SGCZ: variants seen among roughly 807,000 people sequenced by gnomAD.
SGCZ encodes sarcoglycan zeta.
Under a neutral mutation model 41.3 loss-of-function variants are expected in SGCZ, and 40 were observed. The observed-to-expected ratio is 0.97, with a 90% CI of 0.75 to 1.26. The LOEUF is 1.26. Among genes scored for constraint, SGCZ ranks in the 50% most tolerant of loss-of-function variants. SGCZ has a pLI of 0.00. For missense variants in SGCZ, 552 were observed against 369.8 expected, an observed-to-expected ratio of 1.49 and a Z score of -4.04; for synonymous variants, 206 against 137.5, an observed-to-expected ratio of 1.50 and a Z score of -3.49.
At chr8:15,100,347 T>A (rs961659996) in intron 1 of SGCZ, among the ~76,000 whole-genome samples, 1 of 152,134 alleles carries the variant, frequency 6.6e-6, no homozygotes, top group African/African-American at 2.4e-5. Context: ...ATAACACTAT[T>A]TATATTATTA....
chr8:15,030,548 G>A (rs1016145811), intron 1 of SGCZ, among the ~76,000 whole-genome samples: 1 of 152,108 alleles, frequency 6.6e-6, no homozygotes, highest in Admixed American at 6.6e-5. Flanking sequence ...ACCATGAGAA[G>A]AGCTGTAAAT....
intron 2 of SGCZ, among the ~76,000 whole-genome samples, chr8:14,460,760 T>C (rs538056614): frequency 1.3e-5 from 2 of 152,200 alleles, no homozygotes; most frequent in South Asian, 2.1e-4. Flanking sequence ...GCAAGATGCC[T>C]AACTTTAGAG....
intron 1 of SGCZ, among the ~76,000 whole-genome samples, chr8:15,001,155 G>C (rs1290590515): frequency 6.6e-6 from 1 of 152,192 alleles, no homozygotes; most frequent in Non-Finnish European, 1.5e-5. Flanking sequence ...TGTTCTCTGA[G>C]TATCAGGATG....
At chr8:15,016,011 T>C (rs1030340994) in intron 1 of SGCZ, among the ~76,000 whole-genome samples, 1 of 152,176 alleles carries the variant, frequency 6.6e-6, no homozygotes, top group African/African-American at 2.4e-5. Context: ...GCTAGAAGTT[T>C]ACATTCATTT....
At chr8:15,005,342 T>G (rs2410227) in intron 1 of SGCZ, among the ~76,000 whole-genome samples, 71,116 of 145,672 alleles carry the variant, frequency 0.49, 18,104 homozygotes, top group South Asian at 0.55. Flanking sequence ...TTTTTTTTTT[T>G]TTTTTTGACA....
intron 3 of SGCZ, among the ~76,000 whole-genome samples, chr8:14,303,700 T>A (rs1801263948): frequency 6.6e-6 from 1 of 152,062 alleles, no homozygotes. Flanking sequence ...ATTAGCCAAT[T>A]TCTAAATAGC....
At position 14,090,418 on chromosome 8, in the gene SGCZ, C is replaced by T; in HGVS notation, c.*25G>A. On this transcript the variant is annotated 3_prime_UTR_variant, in exon 8 of 8. Coordinates refer to ENST00000382080, the MANE Select transcript of SGCZ (RefSeq NM_139167.4). ...AGACGGACAGGAACAAAAGGCTATT[C>T]TGGTGTGAGGAGAAATCAGTCACTT... The T allele has an allele frequency of 6.2e-7, 1 of 1,603,802 alleles. No homozygotes were observed. Among genetic ancestry groups the T allele is most frequent in the Non-Finnish European group, 8.5e-7 (1 of 1,174,682 alleles).
intron 2 of SGCZ, among the ~76,000 whole-genome samples, chr8:14,387,063 T>C (rs193211099): frequency 1.2e-4 from 18 of 152,278 alleles, no homozygotes; most frequent in African/African-American, 4.1e-4. Context: ...AACACATTTA[T>C]GTTTGTTTGC....
intron 2 of SGCZ, among the ~76,000 whole-genome samples, chr8:14,548,883 C>G (rs191780750): frequency 6.6e-6 from 1 of 152,022 alleles, no homozygotes; most frequent in Admixed American, 6.6e-5. Flanking sequence ...AGGTATTTGG[C>G]GGGAATTATG....
chr8:14,919,211 G>A (rs1799521457), intron 1 of SGCZ, among the ~76,000 whole-genome samples: 1 of 152,150 alleles, frequency 6.6e-6, no homozygotes, highest in African/African-American at 2.4e-5. Flanking sequence ...GGCCGAGGCA[G>A]GTGGATTGCC....
At chr8:14,555,009 A>G (rs1489871707) in intron 1 of SGCZ, 83 bp from the exon 2 acceptor site, 2 of 1,272,698 alleles carry the variant, frequency 1.6e-6, no homozygotes, top group East Asian at 4.7e-5. Flanking sequence ...TTTTTGAAAC[A>G]AAAGAACAAT....
chr8:15,000,993 T>A (rs1244054939), intron 1 of SGCZ, among the ~76,000 whole-genome samples: 1 of 152,090 alleles, frequency 6.6e-6, no homozygotes, highest in Non-Finnish European at 1.5e-5. Flanking sequence ...ACTTCACCAG[T>A]ATCAAAGGTG....
At chr8:14,736,797 G>A (rs2130260673) in intron 1 of SGCZ, among the ~76,000 whole-genome samples, 1 of 152,162 alleles carries the variant, frequency 6.6e-6, no homozygotes, top group South Asian at 2.1e-4. Context: ...CATTGCAAAT[G>A]CTATTAATTA....
intron 1 of SGCZ, among the ~76,000 whole-genome samples, chr8:14,734,563 G>C (rs1798970927): frequency 6.6e-6 from 1 of 152,148 alleles, no homozygotes; most frequent in Non-Finnish European, 1.5e-5. Context: ...TTTTTAAAAT[G>C]CTTCACGTAT....
chr8:14,171,804 T>C (rs1341284082), intron 4 of SGCZ, among the ~76,000 whole-genome samples: 1 of 152,104 alleles, frequency 6.6e-6, no homozygotes, highest in Non-Finnish European at 1.5e-5. Flanking sequence ...ATAAAAATTA[T>C]TCTATGTTTC....
chr8:14,824,305 G>A (rs777085286), intron 1 of SGCZ, among the ~76,000 whole-genome samples: 12 of 151,978 alleles, frequency 7.9e-5, no homozygotes, highest in South Asian at 2.1e-4. Context: ...ACTGACTACC[G>A]ATTATTGGAT....
chr8:14,389,763 C>T (rs2117213963), intron 2 of SGCZ, among the ~76,000 whole-genome samples: 1 of 151,930 alleles, frequency 6.6e-6, no homozygotes, highest in Admixed American at 6.6e-5. Context: ...TAAAACTGAG[C>T]AAGTATTTTT....
intron 1 of SGCZ, among the ~76,000 whole-genome samples, chr8:15,228,461 A>G (rs1382896814): frequency 1.3e-5 from 2 of 152,230 alleles, no homozygotes; most frequent in African/African-American, 4.8e-5. Flanking sequence ...TATAAAAGTA[A>G]CTGTCTCTGC....
At chr8:14,446,811 C>G (rs11784763) in intron 2 of SGCZ, among the ~76,000 whole-genome samples, 2 of 151,892 alleles carry the variant, frequency 1.3e-5, no homozygotes, top group African/African-American at 4.8e-5. Flanking sequence ...AAAACTAATA[C>G]GTATATGGAC....
Sources: gnomAD v4.1 joint callset for allele counts (sites outside exome capture counted in the v4.1 genomes callset) on GRCh38, gnomAD v4.1.1 for gene constraint, MANE v1.5 for transcripts, NCBI Gene and HGNC (gene_info 2026-07-23, HGNC 2026-07-21) for gene names.